The following DNAJC5G variants were observed in gnomAD, a reference collection of about 807,000 sequenced individuals.
The protein encoded by DNAJC5G is DnaJ heat shock protein family (Hsp40) member C5 gamma.
DNAJC5G carries 13 observed loss-of-function variants against 19.1 expected under a neutral mutation model. That is an observed-to-expected ratio of 0.68 (90% confidence interval 0.44 to 1.08). The LOEUF (loss-of-function observed/expected upper bound fraction) is 1.08. Among genes scored for constraint, DNAJC5G ranks in the 50% least tolerant of loss-of-function variants. The pLI, the probability that DNAJC5G is intolerant of heterozygous loss-of-function variation, is 0.00. For synonymous variants in DNAJC5G, 81 were observed against 84.4 expected, an observed-to-expected ratio of 0.96 and a Z score of 0.22; for missense variants, 245 against 230.4, an observed-to-expected ratio of 1.06 and a Z score of -0.41.
intron 6 of DNAJC5G, 90 bp downstream of exon 6, chr2:27,280,323 T>C: frequency 9.3e-7 from 1 of 1,077,940 alleles, no homozygotes; most frequent in Non-Finnish European, 1.4e-6. Context: ...GTTTACATCC[T>C]TATAGTATGG....
In DNAJC5G at chr2:27,277,832, G is replaced by A; in HGVS notation, c.192G>A (p.Lys64=). ...RKLALRYHPD[K]NPGNAQAAEI... The stretch of plus-strand genomic sequence containing the variant: ...TGGCCTTGCGGTATCATCCCGACAA[G>A]AATCCAGGGAATGCTCAAGCAGCAG... The change falls in exon 4 of 7, where the codon AAG becomes AAA. Residue 64 remains lysine (K), a synonymous_variant. Transcript: ENST00000296097. 6.2e-7 allele frequency: 1 copy of A among 1,614,098 alleles called. No homozygotes were observed. Among genetic ancestry groups the A allele is most frequent in the Non-Finnish European group, 8.5e-7 (1 of 1,180,030 alleles).
rs1440591585 is a variant in DNAJC5G at position 27,277,421 on chromosome 2, C to T, written c.114-333C>T. Among the ~76,000 whole-genome samples the T allele has an allele frequency of 7.2e-5, 11 of 151,768 alleles. No homozygotes were observed. In the South Asian group the frequency reaches 1.9e-3, roughly 26 times the overall value. On this transcript the variant is annotated intron_variant, in intron 3 of 6. Transcript: ENST00000296097. ...GGGATTACAGGTGCCTGCCACTATG[C>T]CCAGCTAATCTTTTGTATTTTTGGT... is the stretch of plus-strand genomic sequence containing the variant.
At chr2:27,280,315 T>C in intron 6 of DNAJC5G, 82 bp downstream of exon 6, 3 of 1,173,008 alleles carry the variant, frequency 2.6e-6, no homozygotes, top group Non-Finnish European at 3.8e-6. Flanking sequence ...AGTAGAAAGT[T>C]TACATCCTTA....
At chr2:27,278,062 C>T in intron 4 of DNAJC5G, 47 bp downstream of exon 4, 1 of 1,607,882 alleles carries the variant, frequency 6.2e-7, no homozygotes. Context: ...GAAGGGTGAC[C>T]TTCCTTTCCT....
chr2:27,281,263 T>C lies in DNAJC5G; in HGVS notation c.*853T>C, dbSNP rs1678359358. ...ATGTGATCTGGAAAAGATTGTACTT[T>C]CTGGACTCTTTTCCCACTCTTGCCT... is the stretch of plus-strand genomic sequence containing the variant. On this transcript the variant is annotated 3_prime_UTR_variant, in exon 7 of 7. Coordinates refer to ENST00000296097, the MANE Select transcript of DNAJC5G (RefSeq NM_173650.3). 1 of 152,372 alleles carries C rather than the reference T, an allele frequency of 6.6e-6. No homozygotes were observed. Among genetic ancestry groups the C allele is most frequent in the Non-Finnish European group, 1.5e-5 (1 of 68,048 alleles). The allele number at this position is 152,372 out of a possible 1,614,324, so 9.4% of individuals were successfully genotyped here. A position where few individuals can be genotyped will look rare whatever the true frequency, so the allele number is the denominator to read the frequency against.
Position 27,280,152 on chromosome 2 carries a change from T to C in DNAJC5G, c.521-14T>C. The C allele has an allele frequency of 6.2e-7, 1 of 1,612,854 alleles. No homozygotes were observed. Among genetic ancestry groups the C allele is most frequent in the Non-Finnish European group, 8.5e-7 (1 of 1,179,078 alleles). On this transcript the variant is annotated splice_polypyrimidine_tract_variant and intron_variant, in intron 5 of 6. Transcript: ENST00000296097. Reference sequence around the variant, plus strand: ...ACGTTTGTATATGTAAACATATATATAATTCCATCATAGGAGCCAAATGTG... The same window carrying C: ...ACGTTTGTATATGTAAACATATATACAATTCCATCATAGGAGCCAAATGTG...
Position 27,277,770 on chromosome 2 carries a change from C to T in DNAJC5G, c.130C>T (p.Pro44Ser). ...KKSYSHSALLPHPPFEYHLGR... is the reference protein window; with the variant it reads ...KKSYSHSALLSHPPFEYHLGR... ...CTTCCCCAGCCATTCCGCATTGCTT[C>T]CCCACCCTCCTTTTGAGTATCACCT... is the stretch of plus-strand genomic sequence containing the variant. The change falls in exon 4 of 7, where the codon CCC becomes TCC. Residue 44 changes from proline (P) to serine (S), a missense_variant. Physicochemically the swap from Pro to Ser is moderately conservative, Grantham distance 74 (BLOSUM62 -1). Transcript: ENST00000296097. The T allele has an allele frequency of 6.2e-7, 1 of 1,613,998 alleles. No individual in the cohort carries two copies. The highest frequency in any genetic ancestry group is 2.2e-5 in the East Asian group (1 of 44,878).
rs1678311255 is a variant in DNAJC5G, at chr2:27,280,251, C to T, written c.*18+18C>T. On this transcript the variant is annotated intron_variant, in intron 6 of 6. Coordinates refer to ENST00000296097, the MANE Select transcript of DNAJC5G (RefSeq NM_173650.3). ...AGGATGAGGTATGTAAACCGAAAGG[C>T]AGCAACAGTTATCAGATAAGAAAAG... is the stretch of plus-strand genomic sequence containing the variant. 6.9e-6 allele frequency: 11 copies of T among 1,599,972 alleles called. No homozygotes were observed. Among genetic ancestry groups the T allele is most frequent in the Non-Finnish European group, 8.6e-6 (10 of 1,167,298 alleles).
In DNAJC5G at chr2:27,280,430, T is replaced by A. The variant is rs1678320311; in HGVS notation, c.*20T>A. On this transcript the variant is annotated splice_region_variant and 3_prime_UTR_variant, in exon 7 of 7. Transcript: ENST00000296097. ...AGCGCCACCTTCTTCCGCCACTAGGTGCTGACCCAGTGAGGGTGCCTTCTG... is the reference window on the plus strand; with the variant it reads ...AGCGCCACCTTCTTCCGCCACTAGGAGCTGACCCAGTGAGGGTGCCTTCTG... 1.9e-6 allele frequency: 1 copy of A among 536,200 alleles called. No individual in the cohort carries two copies. The highest frequency in any genetic ancestry group is 1.9e-5 in the African/African-American group (1 of 52,248). The allele number at this position is 536,200 out of a possible 1,614,324, so 33.2% of individuals were successfully genotyped here.
At position 27,278,288 on chromosome 2, in the gene DNAJC5G, GGA is replaced by G. The variant is rs1207829406; in HGVS notation, c.479_480del (p.Arg160LysfsTer18). 1.9e-6 allele frequency: 3 copies of G among 1,614,166 alleles called. No individual in the cohort carries two copies. The African/African-American group carries it at 4.0e-5, about 22-fold the overall frequency. On this transcript the variant is annotated frameshift_variant, in exon 5 of 7. Transcript: ENST00000296097. LOFTEE classifies it high-confidence loss of function. ...AAACCACCACCTGAGCAGGATAGTG[GGA>G]GAAAATATCAGCAGAATGTCCAGAG...
Position 27,278,347 on chromosome 2 carries a change from C to T in DNAJC5G, c.520+15C>T, listed in dbSNP as rs1162466888. The T allele has an allele frequency of 6.2e-7, 1 of 1,613,782 alleles. No individual in the cohort carries two copies. The highest frequency in any genetic ancestry group is 1.7e-5 in the Admixed American group (1 of 59,968). ...TCCAAGGTCAGGTGAGAACTGCAAG[C>T]AGGGACTGTGAGGTAAGAAATGTCT... On this transcript the variant is annotated intron_variant, in intron 5 of 6. Coordinates refer to ENST00000296097, the MANE Select transcript of DNAJC5G (RefSeq NM_173650.3).
At chr2:27,277,602 G>A (rs1678163100) in intron 3 of DNAJC5G, 152 bp from the exon 4 acceptor site, 6 of 1,045,132 alleles carry the variant, frequency 5.7e-6, no homozygotes, top group Non-Finnish European at 4.2e-6. Flanking sequence ...CTCACTTTGG[G>A]GCCAAATGGC....
chr2:27,276,186 G>A lies in DNAJC5G; in HGVS notation c.-205G>A, dbSNP rs1335505438. On this transcript the variant is annotated 5_prime_UTR_variant, in exon 2 of 7. Transcript: ENST00000296097. ...AGGCAGGAAAATCGCTTGCACCCAG[G>A]AGGTGGAGGTTGCAGTGAGCCGAGA... The A allele has an allele frequency of 6.6e-6, 1 of 152,064 alleles. No individual in the cohort carries two copies. Among genetic ancestry groups the A allele is most frequent in the African/African-American group, 2.4e-5 (1 of 41,304 alleles). The allele number at this position is 152,064 out of a possible 1,614,324, so 9.4% of individuals were successfully genotyped here.
At chr2:27,280,007 AT>A (rs1391381138) in intron 5 of DNAJC5G, among the ~76,000 whole-genome samples, 158 bp from the exon 6 acceptor site, 1 of 152,116 alleles carries the variant, frequency 6.6e-6, no homozygotes, top group East Asian at 1.9e-4. Flanking sequence ...GTCTGAGATC[AT>A]TCCCCCCCAA....
chr2:27,279,945 G>A lies in DNAJC5G; in HGVS notation c.521-221G>A, dbSNP rs567377122. 4.0e-5 allele frequency among the ~76,000 whole-genome samples: 6 copies of A among 150,954 alleles called. No individual in the cohort carries two copies. The East Asian group carries it at 1.2e-3, about 30-fold the overall frequency. On this transcript the variant is annotated intron_variant, in intron 5 of 6. Coordinates refer to ENST00000296097, the MANE Select transcript of DNAJC5G (RefSeq NM_173650.3). ...ATCAAAAAAGAAGAAGAAGAAGAAGGAAAGGAGGAGGAGGGGGAGGGGAAG... is the reference window on the plus strand; with the variant it reads ...ATCAAAAAAGAAGAAGAAGAAGAAGAAAAGGAGGAGGAGGGGGAGGGGAAG...
At chr2:27,280,145 A>G (rs778183346) in intron 5 of DNAJC5G, 21 bp from the exon 6 acceptor site, 6 of 1,611,150 alleles carry the variant, frequency 3.7e-6, no homozygotes, top group Admixed American at 3.3e-5. Context: ...ATATGTAAAC[A>G]TATATATAAT....
In DNAJC5G at chr2:27,277,740, G is replaced by T. The variant is rs771745813; in HGVS notation, c.114-14G>T. ...GACTAATCCATGTCATTCATCGTAA[G>T]TCTCCTTCCCCAGCCATTCCGCATT... On this transcript the variant is annotated splice_polypyrimidine_tract_variant and intron_variant, in intron 3 of 6. Coordinates refer to ENST00000296097, the MANE Select transcript of DNAJC5G (RefSeq NM_173650.3). 4 of 1,613,656 alleles carry T rather than the reference G, an allele frequency of 2.5e-6. No homozygotes were observed. Among genetic ancestry groups the T allele is most frequent in the Non-Finnish European group, 8.5e-7 (1 of 1,179,702 alleles).
intron 5 of DNAJC5G, among the ~76,000 whole-genome samples, chr2:27,279,680 G>C (rs1169588004): frequency 6.6e-6 from 1 of 151,646 alleles, no homozygotes; most frequent in Non-Finnish European, 1.5e-5. Flanking sequence ...GGGGAGCCAA[G>C]GTGGGCAGAT....
chr2:27,278,797 G>C (rs1678239313), intron 5 of DNAJC5G, among the ~76,000 whole-genome samples: 2 of 151,430 alleles, frequency 1.3e-5, no homozygotes, highest in African/African-American at 4.8e-5. Context: ...ACGAGGTCAG[G>C]AGTTTGAGAC....
Sources: allele counts gnomAD v4.1 joint callset (sites outside exome capture counted in the v4.1 genomes callset), GRCh38; gene constraint gnomAD v4.1.1; transcripts MANE v1.5; gene names NCBI Gene and HGNC (gene_info 2026-07-23, HGNC 2026-07-21).